C9orf153: variants seen among roughly 807,000 people sequenced by gnomAD.
C9orf153 encodes the protein chromosome 9 open reading frame 153.
Under a neutral mutation model 9.0 loss-of-function variants are expected in C9orf153, and 10 were observed. That is an observed-to-expected ratio of 1.11 (90% CI 0.69 to 1.89). The LOEUF (loss-of-function observed/expected upper bound fraction) is 1.89, where lower values mean the gene tolerates loss of function less well. Among genes scored for constraint, C9orf153 ranks in the 40% most tolerant of loss-of-function variants. The pLI is 0.00. For missense variants in C9orf153, 108 were observed against 111.0 expected (o/e 0.97, Z 0.12); for synonymous variants, 35 against 37.3 (o/e 0.94, Z 0.23).
Position 86,240,731 on chromosome 9 carries a change from T to C in C9orf153, c.-26-11102A>G, listed in dbSNP as rs1027883594. 4.9e-5 allele frequency among the ~76,000 whole-genome samples: 6 copies of C among 123,010 alleles called. No individual in the cohort carries two copies. In the Admixed American group the frequency reaches 5.9e-4, roughly 12 times the overall value. 80.7% of individuals were successfully genotyped at this position (123,010 alleles called of 152,430 possible). ...TCTTTTTTTTTTTTTTTTTTTGAGA[T>C]GGAGTCTCCCTCTGTTGCCCAGGCT... is the stretch of plus-strand genomic sequence containing the variant. On this transcript the variant is annotated intron_variant, in intron 1 of 3. Coordinates refer to ENST00000339137, the MANE Select transcript of C9orf153 (RefSeq NM_001276366.4).
chr9:86,240,252 C>T (rs1824700809), intron 1 of C9orf153, among the ~76,000 whole-genome samples: 1 of 151,884 alleles, frequency 6.6e-6, no homozygotes, highest in Non-Finnish European at 1.5e-5. Flanking sequence ...TTATAAGTGG[C>T]GAATCTGAGA....
intron 1 of C9orf153, among the ~76,000 whole-genome samples, chr9:86,244,550 T>G (rs539925195): frequency 3.2e-4 from 48 of 152,242 alleles, no homozygotes; most frequent in Non-Finnish European, 6.5e-4. Context: ...TAAATAGATC[T>G]AAAAGAGCTC....
chr9:86,225,414 C>T (rs150227017), intron 3 of C9orf153, among the ~76,000 whole-genome samples: 1 of 636 alleles, frequency 1.6e-3, no homozygotes, highest in Non-Finnish European at 2.9e-3. Flanking sequence ...TCTCTCTCTC[C>T]TTCCTTCCTT....
intron 1 of C9orf153, among the ~76,000 whole-genome samples, chr9:86,259,053 A>G (rs1825189352): frequency 6.7e-6 from 1 of 149,662 alleles, no homozygotes; most frequent in Non-Finnish European, 1.5e-5. Context: ...TCTTTGAGAT[A>G]GGCTCTCATT....
intron 1 of C9orf153, among the ~76,000 whole-genome samples, chr9:86,237,862 T>G (rs1228856942): frequency 1.3e-5 from 2 of 152,114 alleles, no homozygotes; most frequent in African/African-American, 4.8e-5. Context: ...GCAGATCACC[T>G]GAGGTCAGGA....
At chr9:86,236,634 G>A (rs1020994007) in intron 1 of C9orf153, among the ~76,000 whole-genome samples, 2 of 151,660 alleles carry the variant, frequency 1.3e-5, no homozygotes, top group Non-Finnish European at 2.9e-5. Flanking sequence ...CAGTAGACCT[G>A]TCTTGCAAGA....
chr9:86,243,759 C>G (rs1824803370), intron 1 of C9orf153, among the ~76,000 whole-genome samples: 1 of 152,160 alleles, frequency 6.6e-6, no homozygotes. Flanking sequence ...AAGAACTGGT[C>G]CCCATACTCA....
intron 1 of C9orf153, among the ~76,000 whole-genome samples, chr9:86,258,065 C>T (rs1322477849): frequency 3.3e-5 from 5 of 152,086 alleles, no homozygotes; most frequent in East Asian, 1.9e-4. Context: ...TTTTGTAGGA[C>T]GGGTGCGGTG....
chr9:86,251,920 C>CACACACACACACACACACACAA (rs1825003710), intron 1 of C9orf153, among the ~76,000 whole-genome samples: 1 of 150,416 alleles, frequency 6.6e-6, no homozygotes, highest in African/African-American at 2.5e-5. Context: ...AAACTACACA[C>CACACACACACACACACACACAA]ACACACACAC....
chr9:86,224,167 A>G (rs145201603), intron 3 of C9orf153, among the ~76,000 whole-genome samples: 10,061 of 152,180 alleles, frequency 0.066, 1,116 homozygotes, highest in African/African-American at 0.23. Flanking sequence ...CAGGCAGATC[A>G]CTTGAGCTCA....
At chr9:86,257,017 G>T (rs1334609868) in intron 1 of C9orf153, among the ~76,000 whole-genome samples, 1 of 152,092 alleles carries the variant, frequency 6.6e-6, no homozygotes, top group Non-Finnish European at 1.5e-5. Flanking sequence ...AAGAAAAAAA[G>T]AAGCTTACGG....
chr9:86,223,815 C>T (rs1030778401), intron 3 of C9orf153, among the ~76,000 whole-genome samples: 1 of 152,116 alleles, frequency 6.6e-6, no homozygotes, highest in Non-Finnish European at 1.5e-5. Context: ...GACATGAAAA[C>T]AAAAGCTACA....
chr9:86,245,766 G>C (rs1180495041), intron 1 of C9orf153, among the ~76,000 whole-genome samples: 1 of 151,810 alleles, frequency 6.6e-6, no homozygotes, highest in Non-Finnish European at 1.5e-5. Context: ...ACCTATTCAG[G>C]GCATCAGCAC....
chr9:86,230,891 C>T (rs1053782699), intron 1 of C9orf153, among the ~76,000 whole-genome samples: 27 of 152,128 alleles, frequency 1.8e-4, no homozygotes, highest in Non-Finnish European at 3.8e-4. Context: ...AAGTTCTCTC[C>T]CACATTTTAC....
At chr9:86,230,491 G>A (rs1302419281) in intron 1 of C9orf153, among the ~76,000 whole-genome samples, 1 of 152,180 alleles carries the variant, frequency 6.6e-6, no homozygotes, top group African/African-American at 2.4e-5. Context: ...AGTAGAGACA[G>A]GGTTTCACCG....
At chr9:86,259,041 T>A (rs1825187810) in intron 1 of C9orf153, among the ~76,000 whole-genome samples, 1 of 151,842 alleles carries the variant, frequency 6.6e-6, no homozygotes, top group African/African-American at 2.4e-5. Context: ...GTTTTTTTTT[T>A]TTCTTTGAGA....
At chr9:86,259,034 T>G (rs1340983377) in intron 1 of C9orf153, among the ~76,000 whole-genome samples, 1 of 151,586 alleles carries the variant, frequency 6.6e-6, no homozygotes, top group Admixed American at 6.6e-5. Context: ...GAGCAGTGTT[T>G]TTTTTTTTTC....
intron 1 of C9orf153, among the ~76,000 whole-genome samples, chr9:86,247,749 T>C (rs753190278): frequency 6.6e-6 from 1 of 152,224 alleles, no homozygotes; most frequent in African/African-American, 2.4e-5. Flanking sequence ...ATGTGATTCA[T>C]TCTTGTTTCA....
At chr9:86,256,095 A>C (rs935846749) in intron 1 of C9orf153, among the ~76,000 whole-genome samples, 3 of 152,214 alleles carry the variant, frequency 2.0e-5, no homozygotes, top group Non-Finnish European at 4.4e-5. Context: ...CACAATGTGC[A>C]TTCACAGATG....
Sources: gnomAD v4.1 joint callset for allele counts (sites outside exome capture counted in the v4.1 genomes callset) on GRCh38, gnomAD v4.1.1 for gene constraint, MANE v1.5 for transcripts, NCBI Gene and HGNC (gene_info 2026-07-23, HGNC 2026-07-21) for gene names.